The following PABPC4L variants were observed in gnomAD, a reference collection of about 807,000 sequenced individuals.
PABPC4L encodes polyadenylate-binding protein 4-like.
For synonymous variants in PABPC4L, 169 were observed against 164.1 expected, an observed-to-expected ratio of 1.03 and a Z score of -0.23; for missense variants, 452 against 451.4, an observed-to-expected ratio of 1.00 and a Z score of -0.01.
At chr4:134,101,543 G>GA in the PABPC4L span, among the ~76,000 whole-genome samples, 35 of 145,408 alleles carry the variant, frequency 2.4e-4, no homozygotes, top group East Asian at 6.1e-4. Context: ...AAAATATACA[G>GA]AAAAAAAAAA....
chr4:134,036,886 T>C, the PABPC4L span, among the ~76,000 whole-genome samples: 1 of 151,952 alleles, frequency 6.6e-6, no homozygotes, highest in Non-Finnish European at 1.5e-5. Flanking sequence ...TGAAACATTG[T>C]TTCTACTAAA....
the PABPC4L span, among the ~76,000 whole-genome samples, chr4:134,177,617 G>A: frequency 1.2e-4 from 18 of 152,028 alleles, no homozygotes; most frequent in East Asian, 1.4e-3. Context: ...CTTCTAGCCC[G>A]CAGTTCCACT....
the PABPC4L span, among the ~76,000 whole-genome samples, chr4:133,996,552 G>T: frequency 6.6e-6 from 1 of 152,150 alleles, no homozygotes; most frequent in Non-Finnish European, 1.5e-5. Context: ...GAAATCCCCT[G>T]CAGGCACCAA....
the PABPC4L span, among the ~76,000 whole-genome samples, chr4:134,050,148 A>C: frequency 1.3e-5 from 2 of 152,174 alleles, no homozygotes; most frequent in East Asian, 3.9e-4. Context: ...AAATAACATT[A>C]CATTAAAAAA....
the PABPC4L span, among the ~76,000 whole-genome samples, chr4:134,093,230 T>A: frequency 6.6e-6 from 1 of 151,764 alleles, no homozygotes; most frequent in Admixed American, 6.6e-5. Flanking sequence ...CTTTGTGCTT[T>A]CTTTTAATTT....
the PABPC4L span, among the ~76,000 whole-genome samples, chr4:134,181,138 C>A: frequency 3.8e-3 from 571 of 152,004 alleles, 2 homozygotes; most frequent in African/African-American, 0.013. Flanking sequence ...ACAAGCAAAC[C>A]AAATTTAGTA....
chr4:134,011,604 A>G, the PABPC4L span, among the ~76,000 whole-genome samples: 1 of 152,162 alleles, frequency 6.6e-6, no homozygotes, highest in East Asian at 1.9e-4. Context: ...ATTTTCTATA[A>G]TTATGAATAC....
At chr4:134,133,622 G>A in the PABPC4L span, among the ~76,000 whole-genome samples, 1 of 151,504 alleles carries the variant, frequency 6.6e-6, no homozygotes, top group Non-Finnish European at 1.5e-5. Context: ...TCACTCATAA[G>A]TAGGAGCTAA....
chr4:134,011,395 A>T, the PABPC4L span, among the ~76,000 whole-genome samples: 1 of 152,152 alleles, frequency 6.6e-6, no homozygotes, highest in South Asian at 2.1e-4. Flanking sequence ...GCTGAAAAAA[A>T]ATTCCAGGAA....
At chr4:134,077,829 A>T in the PABPC4L span, among the ~76,000 whole-genome samples, 1 of 152,148 alleles carries the variant, frequency 6.6e-6, no homozygotes, top group Non-Finnish European at 1.5e-5. Flanking sequence ...TGATTTCATC[A>T]TGTTTGCAAT....
chr4:134,140,091 C>A, the PABPC4L span, among the ~76,000 whole-genome samples: 2 of 151,880 alleles, frequency 1.3e-5, no homozygotes, highest in African/African-American at 4.8e-5. Flanking sequence ...ATTCAGACCC[C>A]TGTGGTCAAA....
chr4:134,139,403 G>A, the PABPC4L span, among the ~76,000 whole-genome samples: 1 of 151,958 alleles, frequency 6.6e-6, no homozygotes, highest in African/African-American at 2.4e-5. Context: ...AAAGTGACAT[G>A]TAGCAATTAG....
At chr4:133,962,526 A>G in the PABPC4L span, among the ~76,000 whole-genome samples, 1 of 152,332 alleles carries the variant, frequency 6.6e-6, no homozygotes, top group South Asian at 2.1e-4. Flanking sequence ...ACAAGTAGAA[A>G]AAAGAAATTC....
chr4:134,061,370 G>C, the PABPC4L span, among the ~76,000 whole-genome samples: 8 of 151,800 alleles, frequency 5.3e-5, no homozygotes, highest in East Asian at 9.7e-4. Flanking sequence ...CCGAATTAAA[G>C]ATCAATGAAT....
the PABPC4L span, among the ~76,000 whole-genome samples, chr4:134,116,021 G>A: frequency 1.3e-5 from 2 of 151,790 alleles, no homozygotes; most frequent in Non-Finnish European, 2.9e-5. Context: ...GGAACATACT[G>A]TACTTGAAAA....
At chr4:134,011,298 A>C in the PABPC4L span, among the ~76,000 whole-genome samples, 1 of 152,096 alleles carries the variant, frequency 6.6e-6, no homozygotes. Flanking sequence ...ACCATCAGGA[A>C]ATTAGTTAAC....
the PABPC4L span, among the ~76,000 whole-genome samples, chr4:134,185,635 G>A: frequency 9.2e-5 from 14 of 152,102 alleles, no homozygotes; most frequent in Admixed American, 2.6e-4. Flanking sequence ...ACAAGACAGA[G>A]ATGCCCTCTC....
At chr4:134,052,464 T>A in the PABPC4L span, among the ~76,000 whole-genome samples, 1 of 152,064 alleles carries the variant, frequency 6.6e-6, no homozygotes. Flanking sequence ...TTTTAATAAT[T>A]TAATCTTTCA....
At chr4:134,172,462 A>G in the PABPC4L span, among the ~76,000 whole-genome samples, 1 of 152,176 alleles carries the variant, frequency 6.6e-6, no homozygotes, top group Non-Finnish European at 1.5e-5. Flanking sequence ...AGCCATATGC[A>G]GAAGATTGAA....
Sources: allele counts gnomAD v4.1 joint callset (sites outside exome capture counted in the v4.1 genomes callset), GRCh38; gene constraint gnomAD v4.1.1; transcripts MANE v1.5; gene names NCBI Gene and HGNC (gene_info 2026-07-23, HGNC 2026-07-21).